FLYWCH1: variants seen among roughly 807,000 people sequenced by gnomAD.
FLYWCH1 encodes FLYWCH-type zinc finger-containing protein 1.
Under a neutral mutation model 66.4 loss-of-function variants are expected in FLYWCH1, and 75 were observed. The observed-to-expected ratio is 1.13, with a 90% confidence interval of 0.94 to 1.37. FLYWCH1 has a LOEUF of 1.37. Among genes scored for constraint, FLYWCH1 ranks in the 40% most tolerant of loss-of-function variants. The pLI, the probability that FLYWCH1 is intolerant of heterozygous loss-of-function variation, is 0.00. For synonymous variants in FLYWCH1, 595 were observed against 429.9 expected (o/e 1.38, Z -4.75); for missense variants, 1,334 against 1,001.8 (o/e 1.33, Z -4.48).
At position 2,912,101 on chromosome 16, in the gene FLYWCH1, C is replaced by T. The variant is rs3743947; in HGVS notation, c.-241C>T. The T allele has an allele frequency of 0.43, 65,840 of 152,320 alleles. 14,906 individuals are homozygous for T. Among genetic ancestry groups the T allele is most frequent in the Non-Finnish European group, 0.5 (34,140 of 68,170 alleles). The allele number at this position is 152,320 out of a possible 1,614,324, so 9.4% of individuals were successfully genotyped here. A position where few individuals can be genotyped will look rare whatever the true frequency, so the allele number is the denominator to read the frequency against. On this transcript the variant is annotated 5_prime_UTR_variant, in exon 1 of 10. Coordinates refer to ENST00000253928, the MANE Select transcript of FLYWCH1 (RefSeq NM_001308068.2). The stretch of plus-strand genomic sequence containing the variant: ...ACGCTCGCTGCTGCAGCGGCAGAGG[C>T]TGAAGGATCCGCCGCGGCGCTGTCG...
intron 9 of FLYWCH1, among the ~76,000 whole-genome samples, chr16:2,945,912 G>C (rs1459847815): frequency 1.3e-5 from 2 of 151,910 alleles, no homozygotes; most frequent in Non-Finnish European, 2.9e-5. Flanking sequence ...CAGGAGAATG[G>C]CGTGAACCCG....
In FLYWCH1 at chr16:2,950,641, C is replaced by G. The variant is rs2071642323; in HGVS notation, c.*1914C>G. 6.6e-6 allele frequency: 1 copy of G among 152,344 alleles called. No individual in the cohort carries two copies. Among genetic ancestry groups the G allele is most frequent in the African/African-American group, 2.4e-5 (1 of 41,460 alleles). 9.4% of individuals were successfully genotyped at this position (152,344 alleles called of 1,614,324 possible). A position where few individuals can be genotyped will look rare whatever the true frequency, so the allele number is the denominator to read the frequency against. ...CGCCATGGTCACATGATGCCATGCCCTGCTCTGGGCACCCCTAAGCGGGTA... is the reference window on the plus strand; with the variant it reads ...CGCCATGGTCACATGATGCCATGCCGTGCTCTGGGCACCCCTAAGCGGGTA... On this transcript the variant is annotated 3_prime_UTR_variant, in exon 10 of 10. Coordinates refer to ENST00000253928, the MANE Select transcript of FLYWCH1 (RefSeq NM_001308068.2).
In FLYWCH1 at chr16:2,938,214, C is replaced by T; in HGVS notation, c.1808C>T (p.Thr603Ile). 1 of 1,613,098 alleles carries T rather than the reference C, an allele frequency of 6.2e-7. No homozygotes were observed. The highest frequency in any genetic ancestry group is 8.5e-7 in the Non-Finnish European group (1 of 1,179,602). ...CTCCGGCCCCTGGAGTTCCTGAGGA[C>T]TTCCCTGGGGGGCAGGTTCCTGGTG... Reference protein sequence around the residue: ...DPLRPLEFLRTSLGGRFLVHE... With the variant: ...DPLRPLEFLRISLGGRFLVHE... Residue 603 changes from threonine to isoleucine, a missense_variant, in exon 8 of 10, where the codon ACT becomes ATT. Coordinates refer to ENST00000253928, the MANE Select transcript of FLYWCH1 (RefSeq NM_001308068.2).
At chr16:2,924,172 T>A (rs1437822006) in intron 2 of FLYWCH1, among the ~76,000 whole-genome samples, 2 of 151,076 alleles carry the variant, frequency 1.3e-5, no homozygotes, top group Admixed American at 1.3e-4. Context: ...CTACTAAAAA[T>A]ACAAAAAATT....
intron 9 of FLYWCH1, among the ~76,000 whole-genome samples, chr16:2,943,941 A>C (rs12051289): frequency 0.28 from 42,793 of 151,762 alleles, 6,180 homozygotes; most frequent in Admixed American, 0.3. Flanking sequence ...CGTCTCTACA[A>C]AAAAATTTAA....
At chr16:2,916,185 A>G (rs1490429410) in intron 2 of FLYWCH1, among the ~76,000 whole-genome samples, 1 of 152,156 alleles carries the variant, frequency 6.6e-6, no homozygotes, top group Non-Finnish European at 1.5e-5. Flanking sequence ...CATCTCTACT[A>G]AAAACAAAAG....
chr16:2,916,586 G>A (rs1388249897), intron 2 of FLYWCH1, among the ~76,000 whole-genome samples: 2 of 151,880 alleles, frequency 1.3e-5, no homozygotes, highest in Non-Finnish European at 1.5e-5. Flanking sequence ...GCAGAGAGCC[G>A]AGATCGCACC....
Position 2,929,782 on chromosome 16 carries a change from C to T in FLYWCH1, c.97C>T (p.Pro33Ser), listed in dbSNP as rs1001144978. ...AGGCACGGACGTCATCCCGGCAGCC[C>T]CCAGGAAGCCCAGGGAGTTCTCCAA... ...KPGTDVIPAA[P>S]RKPREFSKLV... The change falls in exon 3 of 10, where the codon CCC becomes TCC. Residue 33 changes from proline to serine, a missense_variant. By Grantham distance (74) the Pro-to-Ser change is moderately conservative (BLOSUM62 -1). Coordinates refer to ENST00000253928, the MANE Select transcript of FLYWCH1 (RefSeq NM_001308068.2). The T allele has an allele frequency of 2.5e-6, 4 of 1,613,914 alleles. No homozygotes were observed. In the South Asian group the frequency reaches 4.4e-5, roughly 18 times the overall value.
At position 2,937,102 on chromosome 16, in the gene FLYWCH1, C is replaced by A; in HGVS notation, c.1514-19C>A. The A allele has an allele frequency of 2.5e-6, 4 of 1,589,784 alleles. No individual in the cohort carries two copies. The South Asian group carries it at 3.4e-5, about 14-fold the overall frequency. On this transcript the variant is annotated intron_variant, in intron 6 of 9. Coordinates refer to ENST00000253928, the MANE Select transcript of FLYWCH1 (RefSeq NM_001308068.2). ...TGAGAGCTGGTGTCCGCTGCTCCTC[C>A]CCTCCCATTTCTCAACAGGAGGCCC... is the stretch of plus-strand genomic sequence containing the variant.
chr16:2,912,553 G>A (rs1455679027), intron 1 of FLYWCH1, among the ~76,000 whole-genome samples: 1 of 152,174 alleles, frequency 6.6e-6, no homozygotes, highest in Non-Finnish European at 1.5e-5. Flanking sequence ...ATAGATCTCC[G>A]GTGACGGCTT....
At chr16:2,939,538 C>CAGCCTGGCCAACATGGTGAAGCCT (rs1567348541) in intron 8 of FLYWCH1, among the ~76,000 whole-genome samples, 1 of 108,620 alleles carries the variant, frequency 9.2e-6, no homozygotes, top group Non-Finnish European at 2.3e-5. Flanking sequence ...TGGTGAAACC[C>CAGCCTGGCCAACATGGTGAAGCCT]TGTCTCTAAA....
intron 3 of FLYWCH1, among the ~76,000 whole-genome samples, 186 bp downstream of exon 3, chr16:2,930,196 G>A (rs1029969959): frequency 1.3e-5 from 2 of 152,112 alleles, no homozygotes; most frequent in South Asian, 4.1e-4. Flanking sequence ...GCTCCTGGGA[G>A]TTGCAGTGAC....
chr16:2,916,869 G>C (rs924402009), intron 2 of FLYWCH1, among the ~76,000 whole-genome samples: 1 of 151,822 alleles, frequency 6.6e-6, no homozygotes, highest in East Asian at 2.0e-4. Context: ...AATCGGCCAG[G>C]CATGGTGGCT....
chr16:2,938,128 C>T, intron 7 of FLYWCH1, 56 bp from the exon 8 acceptor site: 9 of 1,552,824 alleles, frequency 5.8e-6, no homozygotes, highest in Non-Finnish European at 7.8e-6. Context: ...ATCAGACCCC[C>T]AGCCCTGCCA....
chr16:2,933,213 A>G lies in FLYWCH1; in HGVS notation c.880A>G (p.Lys294Glu). ...CGAGTCGTTCCTCTACAAGCGGGAG[A>G]AGGCTGTCGGGGACAAGGTGTATTG... ...VHESFLYKRE[K>E]AVGDKVYWTC... The change falls in exon 5 of 10, where the codon AAG (lysine) becomes GAG (glutamate). Residue 294 changes from lysine to glutamate, a missense_variant. Physicochemically the swap from Lys to Glu is moderately conservative, Grantham distance 56 (BLOSUM62 1). Coordinates refer to ENST00000253928, the MANE Select transcript of FLYWCH1 (RefSeq NM_001308068.2). The G allele has an allele frequency of 6.2e-7, 1 of 1,613,496 alleles. No individual in the cohort carries two copies. The highest frequency in any genetic ancestry group is 8.5e-7 in the Non-Finnish European group (1 of 1,179,778).
At position 2,948,845 on chromosome 16, in the gene FLYWCH1, A is replaced by G. The variant is rs1206261193; in HGVS notation, c.*118A>G. On this transcript the variant is annotated 3_prime_UTR_variant, in exon 10 of 10. Coordinates refer to ENST00000253928, the MANE Select transcript of FLYWCH1 (RefSeq NM_001308068.2). Reference sequence around the variant, plus strand: ...AAACTTCTTTTCATTCTTCCAAAGCATCGATGGTCTTCGCGTCTCCTCAGG... The same window carrying G: ...AAACTTCTTTTCATTCTTCCAAAGCGTCGATGGTCTTCGCGTCTCCTCAGG... 5 of 899,366 alleles carry G rather than the reference A, an allele frequency of 5.6e-6. No individual in the cohort carries two copies. Among genetic ancestry groups the G allele is most frequent in the African/African-American group, 5.0e-5 (3 of 60,358 alleles). The allele number at this position is 899,366 out of a possible 1,614,324, so 55.7% of individuals were successfully genotyped here.
At chr16:2,928,893 G>C (rs750849160) in intron 2 of FLYWCH1, 5 of 152,318 alleles carry the variant, frequency 3.3e-5, no homozygotes, top group Non-Finnish European at 7.3e-5. Flanking sequence ...AGCCGAGGCA[G>C]CCACAGCAAC....
At position 2,937,241 on chromosome 16, in the gene FLYWCH1, G is replaced by T. The variant is rs771097070; in HGVS notation, c.1634G>T (p.Arg545Leu). The T allele has an allele frequency of 1.1e-5, 18 of 1,605,140 alleles. No individual in the cohort carries two copies. In the South Asian group the frequency reaches 1.7e-4, roughly 15 times the overall value. The change falls in exon 7 of 10, where the codon CGC becomes CTC. Residue 545 changes from arginine (R) to leucine (L), a missense_variant. Transcript: ENST00000253928. ...TATTGGACCTGCCGGGACCAGGCCC[G>T]CATGGGCTGCCGCAGCCGCGCCATC... ...KVYWTCRDQA[R>L]MGCRSRAITQ...
chr16:2,928,349 C>G (rs2070644533), intron 2 of FLYWCH1, among the ~76,000 whole-genome samples: 2 of 152,324 alleles, frequency 1.3e-5, no homozygotes, highest in South Asian at 4.1e-4. Flanking sequence ...TTTCCTTTCC[C>G]ATGAGGCCAT....
Sources: gnomAD v4.1 joint callset for allele counts (sites outside exome capture counted in the v4.1 genomes callset) on GRCh38, gnomAD v4.1.1 for gene constraint, MANE v1.5 for transcripts, NCBI Gene and HGNC (gene_info 2026-07-23, HGNC 2026-07-21) for gene names.